The following MYH8 variants were observed in gnomAD, a reference collection of about 807,000 sequenced individuals.
MYH8 encodes myosin-8.
MYH8 carries 168 observed loss-of-function variants against 233.2 expected under a neutral mutation model. The ratio of observed to expected loss-of-function variants is 0.72; its 90% confidence interval spans 0.64 to 0.82. The LOEUF is 0.82. MYH8 is among the 40% of genes least tolerant of loss of function. The pLI is 0.00. For missense variants in MYH8, 1,995 were observed against 2,327.8 expected (o/e 0.86, Z 2.94); for synonymous variants, 785 against 850.6 (o/e 0.92, Z 1.34).
Position 10,396,961 on chromosome 17 carries a change from C to T in MYH8, c.4204G>A (p.Glu1402Lys). The T allele has an allele frequency of 6.2e-7, 1 of 1,614,242 alleles. No individual in the cohort carries two copies. Among genetic ancestry groups the T allele is most frequent in the South Asian group, 1.1e-5 (1 of 91,082 alleles). Reference sequence around the variant, plus strand: ...ACAGCTTCTACATGTTCCTCAGCTTCTTGCAGGCGCTGGGCCAACTTTTTC... The same window carrying T: ...ACAGCTTCTACATGTTCCTCAGCTTTTTGCAGGCGCTGGGCCAACTTTTTC... ...AKKKLAQRLQ[E>K]AEEHVEAVNA... The change falls in exon 31 of 40, where the codon GAA becomes AAA. Residue 1402 changes from glutamate to lysine, a missense_variant. By Grantham distance (56) the Glu-to-Lys change is moderately conservative (BLOSUM62 1). Around this residue, in one of 3 missense-constraint regions of MYH8, gnomAD observed 1,498 missense variants for 1,680.9 expected, o/e 0.89. Coordinates refer to ENST00000403437, the MANE Select transcript of MYH8 (RefSeq NM_002472.3). This position sits in a 1 kb window ranked among gnomAD's most constrained non-coding sequence, Gnocchi z 4.2.
chr17:10,400,323 T>C lies in MYH8; in HGVS notation c.3735+67A>G. On this transcript the variant is annotated intron_variant, in intron 27 of 39. Transcript: ENST00000403437. The surrounding 1 kb of genome is among the most constrained non-coding windows in gnomAD (Gnocchi z 4.0). ...TGCTGTAAAATGCCTGCAAACAATG[T>C]TTAGTGATAGAGAATAATGGGTGTT... 2 of 1,583,616 alleles carry C rather than the reference T, an allele frequency of 1.3e-6. No homozygotes were observed. Among genetic ancestry groups the C allele is most frequent in the Non-Finnish European group, 1.7e-6 (2 of 1,161,844 alleles).
chr17:10,405,821 C>T (rs1014585678), intron 21 of MYH8, among the ~76,000 whole-genome samples: 1 of 152,200 alleles, frequency 6.6e-6, no homozygotes, highest in African/African-American at 2.4e-5. Flanking sequence ...TTACTGCAAA[C>T]TATTCCTGTG....
chr17:10,411,269 G>A lies in MYH8; in HGVS notation c.1417-322C>T, dbSNP rs368756504. ...CGTGCACCTGTAGTCCCAGCTACTC[G>A]GAAGGCTGAGGCAGGAAAATTGCTT... On this transcript the variant is annotated intron_variant, in intron 14 of 39. Coordinates refer to ENST00000403437, the MANE Select transcript of MYH8 (RefSeq NM_002472.3). 6.6e-5 allele frequency among the ~76,000 whole-genome samples: 10 copies of A among 151,928 alleles called. No individual in the cohort carries two copies. The East Asian group carries it at 1.2e-3, about 18-fold the overall frequency.
chr17:10,391,616 G>C (rs1242634760), intron 39 of MYH8, among the ~76,000 whole-genome samples: 1 of 152,104 alleles, frequency 6.6e-6, no homozygotes, highest in Non-Finnish European at 1.5e-5. Context: ...GGAGGCAGAG[G>C]TTGCAGTGAG....
At chr17:10,398,968 A>G (rs555276908) in intron 28 of MYH8, 82 bp from the exon 29 acceptor site, 14 of 696,766 alleles carry the variant, frequency 2.0e-5, no homozygotes, top group South Asian at 8.7e-5. Flanking sequence ...GTGTGTGTGT[A>G]TATATATATG....
chr17:10,412,876 G>T (rs887410207), intron 12 of MYH8, 148 bp from the exon 13 acceptor site: 3 of 784,692 alleles, frequency 3.8e-6, no homozygotes, highest in Non-Finnish European at 6.5e-6. Context: ...TAACCTTAGA[G>T]CATGTGGTTG....
chr17:10,403,123 A>G (rs1256355355), intron 22 of MYH8, among the ~76,000 whole-genome samples: 1 of 152,226 alleles, frequency 6.6e-6, no homozygotes, highest in Non-Finnish European at 1.5e-5. Context: ...TAGGAAAAAA[A>G]AATAGAATGA....
At chr17:10,397,057 T>C (rs2072086191) in intron 30 of MYH8, 71 bp from the exon 31 acceptor site, 1 of 1,495,900 alleles carries the variant, frequency 6.7e-7, no homozygotes, top group Admixed American at 1.7e-5. Flanking sequence ...CTTGGTCCCT[T>C]TTCACAGTCC....
At chr17:10,399,483 A>G in intron 28 of MYH8, 60 bp downstream of exon 28, 1 of 1,610,848 alleles carries the variant, frequency 6.2e-7, no homozygotes, top group Non-Finnish European at 8.5e-7. Flanking sequence ...TATTTATTAG[A>G]ACCCCTAGAA....
chr17:10,401,482 C>T (rs773545157), intron 23 of MYH8, 31 bp from the exon 24 acceptor site: 4 of 1,613,988 alleles, frequency 2.5e-6, no homozygotes, highest in Non-Finnish European at 3.4e-6. Flanking sequence ...ATTATTTCTC[C>T]TATAAAGCAA....
At chr17:10,411,197 A>G (rs2072241283) in intron 14 of MYH8, among the ~76,000 whole-genome samples, 2 of 152,046 alleles carry the variant, frequency 1.3e-5, no homozygotes, top group Admixed American at 6.5e-5. Context: ...CAACATGGTG[A>G]AACTCTGTCT....
chr17:10,394,300 G>A lies in MYH8; in HGVS notation c.5115C>T (p.Ala1705=), dbSNP rs200890789. Residue 1705 remains alanine, a synonymous_variant, in exon 35 of 40, where the codon GCC becomes GCT. Coordinates refer to ENST00000403437, the MANE Select transcript of MYH8 (RefSeq NM_002472.3). ...LEQTERSRKI[A]EQELLDASER... ...CACTGGCATCCAGGAGCTCCTGTTC[G>A]GCGATTTTCCTGCTTCTCTCTGTCT... The A allele has an allele frequency of 5.7e-5, 92 of 1,614,018 alleles. No homozygotes were observed. The African/African-American group carries it at 9.3e-4, about 16-fold the overall frequency.
chr17:10,411,493 C>T (rs1248977819), intron 14 of MYH8, among the ~76,000 whole-genome samples: 2 of 152,128 alleles, frequency 1.3e-5, no homozygotes, highest in Admixed American at 6.6e-5. Context: ...ACCTTTTCTC[C>T]TCTAAGATTG....
In MYH8 at chr17:10,409,513, G is replaced by C. The variant is rs1481974689; in HGVS notation, c.1663C>G (p.Leu555Val). Reference sequence around the variant, plus strand: ...GACTTGCCCAGGTGCTGGTCATACAGCTTGTTCTTGAAGGAGGTGTCCGTT... The same window carrying C: ...GACTTGCCCAGGTGCTGGTCATACACCTTGTTCTTGAAGGAGGTGTCCGTT... ...KATDTSFKNK[L>V]YDQHLGKSAN... is the part of the protein sequence containing the mutation. Residue 555 changes from leucine (L) to valine (V), a missense_variant, in exon 16 of 40, where the codon CTG becomes GTG. This residue lies in a region of MYH8 where 1,498 missense variants were observed against 1,680.9 expected (regional missense o/e 0.89). Transcript: ENST00000403437. The C allele has an allele frequency of 6.2e-7, 1 of 1,614,106 alleles. No individual in the cohort carries two copies. Among genetic ancestry groups the C allele is most frequent in the Admixed American group, 1.7e-5 (1 of 60,002 alleles).
chr17:10,397,027 A>G, intron 30 of MYH8, 41 bp from the exon 31 acceptor site: 1 of 1,605,716 alleles, frequency 6.2e-7, no homozygotes, highest in East Asian at 2.2e-5. Context: ...GGCCAAGACC[A>G]GAAGCAAAGT....
intron 17 of MYH8, 81 bp downstream of exon 17, chr17:10,409,016 G>A (rs889734812): frequency 2.3e-6 from 3 of 1,293,510 alleles, no homozygotes; most frequent in Non-Finnish European, 3.3e-6. Context: ...ACATTTTATT[G>A]CCTCATAATT....
intron 38 of MYH8, among the ~76,000 whole-genome samples, chr17:10,392,301 A>AG (rs2072033497): frequency 6.8e-6 from 1 of 146,632 alleles, no homozygotes; most frequent in African/African-American, 2.7e-5. Flanking sequence ...TAGGACTAAT[A>AG]CCCAGTTAAT....
At position 10,392,905 on chromosome 17, in the gene MYH8, G is replaced by A; in HGVS notation, c.5389C>T (p.Gln1797Ter). ...KNLEQTVKDLQHRLDEAEQLA... is the reference protein window; with the variant it reads ...KNLEQTVKDL ...TGCTCGGCCTCATCTAGACGATGCT[G>A]CAGGTCCTTCACCGTCTGCTCCAGG... The change falls in exon 37 of 40, where the codon CAG becomes TAG. Residue 1797 changes from glutamine (Q) to a stop codon, truncating the protein, a stop_gained. Coordinates refer to ENST00000403437, the MANE Select transcript of MYH8 (RefSeq NM_002472.3). LOFTEE classifies it high-confidence loss of function. 1 of 1,614,190 alleles carries A rather than the reference G, an allele frequency of 6.2e-7. No homozygotes were observed. Among genetic ancestry groups the A allele is most frequent in the Non-Finnish European group, 8.5e-7 (1 of 1,180,038 alleles).
At chr17:10,407,626 G>A (rs1172111952) in intron 17 of MYH8, among the ~76,000 whole-genome samples, 1 of 152,036 alleles carries the variant, frequency 6.6e-6, no homozygotes, top group African/African-American at 2.4e-5. Context: ...GGATCATGAG[G>A]TCAGGAGTTC....
Sources: allele counts gnomAD v4.1 joint callset (sites outside exome capture counted in the v4.1 genomes callset), GRCh38; gene constraint gnomAD v4.1.1; regional missense constraint gnomAD v4.1.1; non-coding constraint Gnocchi (gnomAD v3.1); transcripts MANE v1.5; gene names NCBI Gene and HGNC (gene_info 2026-07-23, HGNC 2026-07-21).